Variants in IMMT observed in about 807,000 individuals in gnomAD.
IMMT encodes MICOS complex subunit MIC60.
A neutral mutation model predicts 92.7 loss-of-function variants in IMMT; 40 were observed. The ratio of observed to expected loss-of-function variants is 0.43; its 90% CI spans 0.34 to 0.56. IMMT has a LOEUF of 0.56. Ranked by LOEUF, IMMT falls within the 20% of genes least tolerant of loss-of-function variation. The pLI, the probability that IMMT is intolerant of heterozygous loss-of-function variation, is 0.03. For synonymous variants in IMMT, 322 were observed against 336.1 expected (o/e 0.96, Z 0.46); for missense variants, 831 against 912.1 (o/e 0.91, Z 1.14).
intron 11 of IMMT, 127 bp from the exon 12 acceptor site, chr2:86,151,647 A>T: frequency 1.4e-6 from 1 of 703,078 alleles, no homozygotes; most frequent in South Asian, 1.8e-5. Context: ...TAACATGAAA[A>T]GAGATTTAGA....
At chr2:86,179,311 C>A in intron 3 of IMMT, 122 bp downstream of exon 3, 1 of 738,250 alleles carries the variant, frequency 1.4e-6, no homozygotes, top group Non-Finnish European at 2.1e-6. Context: ...ATTTTTGTAT[C>A]CACAGGAGGT....
chr2:86,154,521 T>C, intron 10 of IMMT, among the ~76,000 whole-genome samples: 1 of 152,168 alleles, frequency 6.6e-6, no homozygotes. Flanking sequence ...CCCTCGCATT[T>C]TCATTAGTTC....
chr2:86,146,515 C>T (rs1420926114), intron 13 of IMMT, among the ~76,000 whole-genome samples: 1 of 151,826 alleles, frequency 6.6e-6, no homozygotes, highest in Non-Finnish European at 1.5e-5. Flanking sequence ...GGATTACAGG[C>T]ATGCATCACC....
chr2:86,167,461 C>T (rs1394533699), intron 6 of IMMT, among the ~76,000 whole-genome samples: 2 of 146,004 alleles, frequency 1.4e-5, no homozygotes, highest in African/African-American at 5.1e-5. Flanking sequence ...GCGTGAGCCA[C>T]CGTGCCCGGT....
At chr2:86,147,882 C>T (rs776740734) in intron 12 of IMMT, 49 bp from the exon 13 acceptor site, 4 of 1,582,640 alleles carry the variant, frequency 2.5e-6, no homozygotes, top group Admixed American at 3.5e-5. Flanking sequence ...TCCACATATA[C>T]TTTTAGGAAA....
At chr2:86,175,058 T>G (rs1573927196) in intron 3 of IMMT, among the ~76,000 whole-genome samples, 1 of 152,288 alleles carries the variant, frequency 6.6e-6, no homozygotes, top group East Asian at 1.9e-4. Flanking sequence ...GTGATTCACA[T>G]TCTCATAATT....
chr2:86,167,083 G>C (rs575064254), intron 6 of IMMT, among the ~76,000 whole-genome samples: 1 of 146,136 alleles, frequency 6.8e-6, no homozygotes, highest in Non-Finnish European at 1.5e-5. Context: ...GGGCGACAGA[G>C]CGAGACTCTC....
intron 10 of IMMT, among the ~76,000 whole-genome samples, chr2:86,154,494 C>G (rs1231851088): frequency 1.3e-5 from 2 of 152,126 alleles, no homozygotes; most frequent in African/African-American, 2.4e-5. Context: ...TTCATAGAAA[C>G]TATAATTTTC....
At chr2:86,188,991 C>T (rs1180638732) in intron 1 of IMMT, among the ~76,000 whole-genome samples, 1 of 152,164 alleles carries the variant, frequency 6.6e-6, no homozygotes, top group Admixed American at 6.6e-5. Flanking sequence ...AACATAAGGT[C>T]TGTCTCCAGA....
chr2:86,155,171 C>T (rs1675767033), intron 10 of IMMT, among the ~76,000 whole-genome samples: 1 of 152,094 alleles, frequency 6.6e-6, no homozygotes, highest in African/African-American at 2.4e-5. Flanking sequence ...CCAGTCCTGA[C>T]CTTCTTAATA....
At position 86,173,533 on chromosome 2, in the gene IMMT, T is replaced by C. The variant is rs544604779; in HGVS notation, c.421+117A>G. 1.5e-5 allele frequency: 10 copies of C among 652,546 alleles called. No homozygotes were observed. The East Asian group carries it at 1.5e-4, about 10-fold the overall frequency. The allele number at this position is 652,546 out of a possible 1,614,324, so 40.4% of individuals were successfully genotyped here. On this transcript the variant is annotated intron_variant, in intron 4 of 14. Coordinates refer to ENST00000410111, the MANE Select transcript of IMMT (RefSeq NM_006839.3). ...AGGTGGAGGCTGCGGTGAGCCGAGATTGTGCCACTGCACTCCAGCCTAGGC... is the reference window on the plus strand; with the variant it reads ...AGGTGGAGGCTGCGGTGAGCCGAGACTGTGCCACTGCACTCCAGCCTAGGC...
intron 3 of IMMT, among the ~76,000 whole-genome samples, chr2:86,176,558 A>G (rs1456186720): frequency 6.6e-6 from 1 of 152,216 alleles, no homozygotes; most frequent in East Asian, 1.9e-4. Flanking sequence ...ACAAAATATG[A>G]GCAACCTGTG....
At chr2:86,180,652 C>T (rs1017353885) in intron 2 of IMMT, among the ~76,000 whole-genome samples, 10 of 151,414 alleles carry the variant, frequency 6.6e-5, no homozygotes, top group African/African-American at 9.7e-5. Flanking sequence ...TTCGAGAGGC[C>T]GAGGCGGATG....
chr2:86,184,595 G>T (rs1672633254), intron 1 of IMMT, among the ~76,000 whole-genome samples: 1 of 152,010 alleles, frequency 6.6e-6, no homozygotes, highest in Non-Finnish European at 1.5e-5. Flanking sequence ...CTAGAAGAGG[G>T]GTGCTACTGC....
intron 1 of IMMT, among the ~76,000 whole-genome samples, chr2:86,190,437 A>G (rs1249754004): frequency 6.6e-6 from 1 of 152,220 alleles, no homozygotes; most frequent in East Asian, 1.9e-4. Flanking sequence ...AGACTACTCC[A>G]TATGTAAATG....
chr2:86,195,159 A>G (rs1454917452), intron 1 of IMMT, among the ~76,000 whole-genome samples, 179 bp downstream of exon 1: 1 of 152,186 alleles, frequency 6.6e-6, no homozygotes, highest in Non-Finnish European at 1.5e-5. Flanking sequence ...ACCTCAAGTC[A>G]TCCCAGTCCG....
intron 3 of IMMT, 113 bp from the exon 4 acceptor site, chr2:86,173,874 C>T: frequency 1.6e-6 from 1 of 609,158 alleles, no homozygotes; most frequent in Non-Finnish European, 2.9e-6. Flanking sequence ...ATAAAGTTAT[C>T]AACACTTTGT....
intron 1 of IMMT, among the ~76,000 whole-genome samples, chr2:86,188,918 A>G (rs1672958966): frequency 6.6e-6 from 1 of 152,104 alleles, no homozygotes; most frequent in Non-Finnish European, 1.5e-5. Context: ...AATGAAGTCC[A>G]ATTTATCTTT....
At chr2:86,190,166 G>C (rs913941230) in intron 1 of IMMT, among the ~76,000 whole-genome samples, 1 of 152,192 alleles carries the variant, frequency 6.6e-6, no homozygotes, top group Non-Finnish European at 1.5e-5. Flanking sequence ...TTCTAGCATG[G>C]GTAGAAGCAA....
Sources: gnomAD v4.1 joint callset for allele counts (sites outside exome capture counted in the v4.1 genomes callset) on GRCh38, gnomAD v4.1.1 for gene constraint, MANE v1.5 for transcripts, NCBI Gene and HGNC (gene_info 2026-07-23, HGNC 2026-07-21) for gene names.